Variants in SLC24A2 observed in about 807,000 individuals in gnomAD.
The protein encoded by SLC24A2 is sodium/potassium/calcium exchanger 2.
SLC24A2 carries 36 observed loss-of-function variants against 62.0 expected under a neutral mutation model. That is an observed-to-expected ratio of 0.58 (90% CI 0.44 to 0.77). The LOEUF (loss-of-function observed/expected upper bound fraction) is 0.77, where lower values mean the gene tolerates loss of function less well. SLC24A2 is among the 30% of genes least tolerant of loss of function. The pLI, the probability that SLC24A2 is intolerant of heterozygous loss-of-function variation, is 0.00. For missense variants in SLC24A2, 846 were observed against 817.9 expected, an observed-to-expected ratio of 1.03 and a Z score of -0.42; for synonymous variants, 358 against 294.0, an observed-to-expected ratio of 1.22 and a Z score of -2.23.
the SLC24A2 span, among the ~76,000 whole-genome samples, chr9:20,197,322 A>G: frequency 3.3e-5 from 5 of 151,542 alleles, no homozygotes; most frequent in East Asian, 1.9e-4. Context: ...TCCTAAATGT[A>G]TATGTTTTCC....
chr9:19,703,792 C>T (rs1385914137), intron 2 of SLC24A2, among the ~76,000 whole-genome samples: 1 of 152,144 alleles, frequency 6.6e-6, no homozygotes, highest in East Asian at 1.9e-4. Flanking sequence ...ACTATGGCTA[C>T]ATTTTATAGT....
chr9:19,575,949 G>A (rs981479207), intron 6 of SLC24A2, among the ~76,000 whole-genome samples: 4 of 138,526 alleles, frequency 2.9e-5, no homozygotes, highest in African/African-American at 9.3e-5. Flanking sequence ...AAACTTTATA[G>A]AAGCATAAAG....
At chr9:20,064,415 C>A in the SLC24A2 span, among the ~76,000 whole-genome samples, 1 of 151,904 alleles carries the variant, frequency 6.6e-6, no homozygotes, top group Admixed American at 6.6e-5. Context: ...GGGGTTTGCA[C>A]ATCTTTATAA....
chr9:19,605,718 C>T (rs1836965830), intron 4 of SLC24A2, among the ~76,000 whole-genome samples: 1 of 152,188 alleles, frequency 6.6e-6, no homozygotes, highest in Non-Finnish European at 1.5e-5. Context: ...TGGGCAAATG[C>T]CTACAGAGAA....
chr9:19,683,542 T>TC (rs1258668349), intron 2 of SLC24A2, among the ~76,000 whole-genome samples: 2 of 152,002 alleles, frequency 1.3e-5, no homozygotes, highest in African/African-American at 2.4e-5. Context: ...TGAACTTTTT[T>TC]TTTTTTTTCA....
At chr9:19,550,010 G>T in intron 8 of SLC24A2, 127 bp downstream of exon 8, 1 of 878,708 alleles carries the variant, frequency 1.1e-6, no homozygotes, top group Non-Finnish European at 1.9e-6. Flanking sequence ...CCTATTTATG[G>T]GGTATATGTG....
At chr9:19,998,797 T>C in the SLC24A2 span, among the ~76,000 whole-genome samples, 1 of 152,248 alleles carries the variant, frequency 6.6e-6, no homozygotes, top group Non-Finnish European at 1.5e-5. Flanking sequence ...TCAGATTTTG[T>C]GTGCTTGATC....
At chr9:19,773,425 T>G (rs1339685733) in intron 2 of SLC24A2, among the ~76,000 whole-genome samples, 1 of 152,212 alleles carries the variant, frequency 6.6e-6, no homozygotes, top group African/African-American at 2.4e-5. Context: ...GCTTTTAGAA[T>G]TGAAATGCCT....
At chr9:20,001,088 G>A in the SLC24A2 span, among the ~76,000 whole-genome samples, 77 of 152,242 alleles carry the variant, frequency 5.1e-4, no homozygotes, top group Non-Finnish European at 9.0e-4. Flanking sequence ...AAATGCAAAC[G>A]TGGCAGTTGC....
chr9:19,788,974 G>A lies in SLC24A2; in HGVS notation c.-243C>T, dbSNP rs949915452. On this transcript the variant is annotated 5_prime_UTR_variant, in exon 1 of 11. Transcript: ENST00000341998. Reference sequence around the variant, plus strand: ...CCGGCCCTCCGCCTACCCGCTCTGAGGCCCGGGCTCTGGCTCGCACTGGCT... The same window carrying A: ...CCGGCCCTCCGCCTACCCGCTCTGAAGCCCGGGCTCTGGCTCGCACTGGCT... 2.5e-5 allele frequency: 25 copies of A among 983,624 alleles called. No individual in the cohort carries two copies. In the Admixed American group the frequency reaches 1.4e-3, roughly 56 times the overall value. 60.9% of individuals were successfully genotyped at this position (983,624 alleles called of 1,614,324 possible).
chr9:19,712,684 G>A (rs1331709596), intron 2 of SLC24A2, among the ~76,000 whole-genome samples: 1 of 152,060 alleles, frequency 6.6e-6, no homozygotes, highest in East Asian at 1.9e-4. Context: ...AATATACCAA[G>A]CAAGTTCCCA....
chr9:20,133,357 C>T, the SLC24A2 span, among the ~76,000 whole-genome samples: 1 of 152,084 alleles, frequency 6.6e-6, no homozygotes, highest in Non-Finnish European at 1.5e-5. Context: ...CATAAAATAT[C>T]TCACAGGGCA....
At chr9:19,778,899 G>C (rs1270467659) in intron 2 of SLC24A2, among the ~76,000 whole-genome samples, 2 of 152,148 alleles carry the variant, frequency 1.3e-5, no homozygotes, top group Non-Finnish European at 2.9e-5. Flanking sequence ...AACATGTTTA[G>C]AGGAATAAAA....
chr9:19,812,642 T>C, the SLC24A2 span, among the ~76,000 whole-genome samples: 2 of 152,192 alleles, frequency 1.3e-5, no homozygotes, highest in African/African-American at 4.8e-5. Flanking sequence ...TAGTTCTACA[T>C]CTGTTGTCTA....
At chr9:19,672,547 T>C (rs1427884366) in intron 2 of SLC24A2, among the ~76,000 whole-genome samples, 1 of 146,818 alleles carries the variant, frequency 6.8e-6, no homozygotes, top group Non-Finnish European at 1.5e-5. Flanking sequence ...AGTTCTGCTC[T>C]GATTTCTGTT....
chr9:19,805,106 G>C, the SLC24A2 span, among the ~76,000 whole-genome samples: 1 of 152,052 alleles, frequency 6.6e-6, no homozygotes, highest in East Asian at 1.9e-4. Flanking sequence ...TCTTGACTCT[G>C]GTCAGCACAA....
the SLC24A2 span, among the ~76,000 whole-genome samples, chr9:20,142,849 G>C: frequency 6.6e-6 from 1 of 152,126 alleles, no homozygotes; most frequent in Non-Finnish European, 1.5e-5. Flanking sequence ...ACCCACCTTG[G>C]CTTCCCAAAG....
At chr9:20,150,207 G>T in the SLC24A2 span, among the ~76,000 whole-genome samples, 1 of 151,906 alleles carries the variant, frequency 6.6e-6, no homozygotes, top group African/African-American at 2.4e-5. Context: ...AAATTTTGGG[G>T]TGATTTGTTC....
At chr9:19,903,792 C>T in the SLC24A2 span, among the ~76,000 whole-genome samples, 1,127 of 152,206 alleles carry the variant, frequency 7.4e-3, 19 homozygotes, top group African/African-American at 0.026. Flanking sequence ...GGCAAAAAAG[C>T]GGTGGAAGGG....
Sources: gnomAD v4.1 joint callset for allele counts (sites outside exome capture counted in the v4.1 genomes callset) on GRCh38, gnomAD v4.1.1 for gene constraint, MANE v1.5 for transcripts, NCBI Gene and HGNC (gene_info 2026-07-23, HGNC 2026-07-21) for gene names.